Variants in KIAA1549 observed in about 807,000 individuals in gnomAD.
KIAA1549 encodes KIAA1549.
In KIAA1549, 70 loss-of-function variants were observed where a neutral mutation model predicts 156.4. The observed-to-expected ratio is 0.45, with a 90% CI of 0.37 to 0.55. The LOEUF (loss-of-function observed/expected upper bound fraction) is 0.55, where lower values mean the gene tolerates loss of function less well. Ranked by LOEUF, KIAA1549 falls within the 20% of genes least tolerant of loss-of-function variation. The pLI is 0.00. For synonymous variants in KIAA1549, 1,103 were observed against 1,066.4 expected, an observed-to-expected ratio of 1.03 and a Z score of -0.67; for missense variants, 2,428 against 2,540.9, an observed-to-expected ratio of 0.96 and a Z score of 0.96.
rs1389352756 is a variant in KIAA1549, at chr7:138,917,361, A to G, written c.2265T>C (p.Leu755=). 3.7e-6 allele frequency: 6 copies of G among 1,613,830 alleles called. No homozygotes were observed. The highest frequency in any genetic ancestry group is 5.1e-6 in the Non-Finnish European group (6 of 1,179,852). Reference sequence around the variant, plus strand: ...ATTCATGGGAAATGAGTGAAGACTCAAGATAGGAGGTAGTTTCAATGAAAG... The same window carrying G: ...ATTCATGGGAAATGAGTGAAGACTCGAGATAGGAGGTAGTTTCAATGAAAG... ...TSAFIETTSY[L]ESSLISHESA... Residue 755 remains leucine (L), a synonymous_variant, in exon 2 of 20, where the codon CTT becomes CTC. Coordinates refer to ENST00000422774, the MANE Select transcript of KIAA1549 (RefSeq NM_001164665.2).
intron 1 of KIAA1549, among the ~76,000 whole-genome samples, chr7:138,977,811 T>C (rs1814425390): frequency 6.6e-6 from 1 of 152,178 alleles, no homozygotes; most frequent in Non-Finnish European, 1.5e-5. Context: ...GCAATTCTCC[T>C]GCCTCAGCCT....
intron 3 of KIAA1549, 119 bp downstream of exon 3, chr7:138,912,253 C>G (rs1050195261): frequency 5.3e-6 from 4 of 754,476 alleles, no homozygotes; most frequent in African/African-American, 5.1e-5. Context: ...CAGGAACAGA[C>G]AAGAGGGAAG....
At position 138,833,658 on chromosome 7, in the gene KIAA1549, T is replaced by C. The variant is rs189245821; in HGVS notation, c.*4248A>G. Reference sequence around the variant, plus strand: ...TAAAGAAGCTGAATATATATATAGATAGATAGACAGATACATAGACAGACA... The same window carrying C: ...TAAAGAAGCTGAATATATATATAGACAGATAGACAGATACATAGACAGACA... On this transcript the variant is annotated 3_prime_UTR_variant, in exon 20 of 20. Transcript: ENST00000422774. 35 of 232,280 alleles carry C rather than the reference T, an allele frequency of 1.5e-4. No individual in the cohort carries two copies. The highest frequency in any genetic ancestry group is 6.0e-4 in the African/African-American group (27 of 45,350). The allele number at this position is 232,280 out of a possible 1,614,324, so 14.4% of individuals were successfully genotyped here.
chr7:138,858,915 A>G (rs1181077262), intron 16 of KIAA1549, among the ~76,000 whole-genome samples: 1 of 151,946 alleles, frequency 6.6e-6, no homozygotes, highest in Non-Finnish European at 1.5e-5. Flanking sequence ...CTGAGGCAGG[A>G]GAATGGCGTG....
At chr7:138,888,751 T>C (rs748468610) in intron 10 of KIAA1549, among the ~76,000 whole-genome samples, 23 of 152,232 alleles carry the variant, frequency 1.5e-4, no homozygotes, top group Non-Finnish European at 3.2e-4. Context: ...ATGATTCCTT[T>C]CTCAGACTTT....
At position 138,968,996 on chromosome 7, in the gene KIAA1549, C is replaced by A. The variant is rs371119810; in HGVS notation, c.187+12087G>T. 1.2e-4 allele frequency among the ~76,000 whole-genome samples: 18 copies of A among 151,944 alleles called. No homozygotes were observed. In the East Asian group the frequency reaches 1.6e-3, roughly 13 times the overall value. On this transcript the variant is annotated intron_variant, in intron 1 of 19. Coordinates refer to ENST00000422774, the MANE Select transcript of KIAA1549 (RefSeq NM_001164665.2). The stretch of plus-strand genomic sequence containing the variant: ...TTGTTACACAGGTAAACAGGTGTCA[C>A]AGGAGTCTGTTGTACATATTATTTC...
At chr7:138,922,842 A>T (rs1812601903) in intron 1 of KIAA1549, among the ~76,000 whole-genome samples, 1 of 152,120 alleles carries the variant, frequency 6.6e-6, no homozygotes, top group Non-Finnish European at 1.5e-5. Context: ...AAAAAAATAA[A>T]ATGGAATAGG....
intron 12 of KIAA1549, among the ~76,000 whole-genome samples, chr7:138,877,143 C>T (rs1811108714): frequency 6.6e-6 from 1 of 152,176 alleles, no homozygotes; most frequent in Admixed American, 6.5e-5. Flanking sequence ...CCCCGCTCCC[C>T]ACCTCCATTA....
intron 9 of KIAA1549, among the ~76,000 whole-genome samples, chr7:138,895,769 G>A (rs1811667027): frequency 6.6e-6 from 1 of 152,026 alleles, no homozygotes; most frequent in African/African-American, 2.4e-5. Flanking sequence ...CCAAAATGAA[G>A]CTTCACTGTG....
rs181041775 is a variant in KIAA1549, at chr7:138,963,472, C to T, written c.187+17611G>A. ...AAGAGGGAGTAGAGGAACCTGAAGGCTGTCAATGAGTAAAGTCAATATAAA... is the reference window on the plus strand; with the variant it reads ...AAGAGGGAGTAGAGGAACCTGAAGGTTGTCAATGAGTAAAGTCAATATAAA... On this transcript the variant is annotated intron_variant, in intron 1 of 19. Transcript: ENST00000422774. Among the ~76,000 whole-genome samples, 5 of 152,286 alleles carry T rather than the reference C, an allele frequency of 3.3e-5. No homozygotes were observed. The East Asian group carries it at 9.7e-4, about 29-fold the overall frequency.
intron 1 of KIAA1549, among the ~76,000 whole-genome samples, chr7:138,932,624 A>G (rs1812903435): frequency 6.6e-6 from 1 of 152,208 alleles, no homozygotes; most frequent in African/African-American, 2.4e-5. Context: ...GAGGAGATGT[A>G]GAGAAATCAG....
chr7:138,855,384 G>C (rs548090654), intron 16 of KIAA1549, among the ~76,000 whole-genome samples: 2 of 152,312 alleles, frequency 1.3e-5, no homozygotes, highest in South Asian at 4.1e-4. Context: ...TTCAGCATCA[G>C]AACTGCTCCA....
intron 9 of KIAA1549, among the ~76,000 whole-genome samples, chr7:138,897,892 CAAAAAAAAAAAAA>C (rs59242488): frequency 2.0e-3 from 56 of 27,476 alleles, no homozygotes; most frequent in South Asian, 4.7e-3. Flanking sequence ...GACCCTTTCT[CAAAAAAAAAAAAA>C]AAAAAAAAAA....
rs1363926267 is a variant in KIAA1549 at position 138,859,051 on chromosome 7, A to ACACG, written c.5247+2087_5247+2088insCGTG. On this transcript the variant is annotated intron_variant, in intron 16 of 19. Coordinates refer to ENST00000422774, the MANE Select transcript of KIAA1549 (RefSeq NM_001164665.2). ...CACACACACACACACACACACACAC[A>ACACG]CGAACAGAAACTGATTTTCTCATAA... Among the ~76,000 whole-genome samples the ACACG allele has an allele frequency of 6.0e-5, 9 of 149,574 alleles. No homozygotes were observed. In the South Asian group the frequency reaches 1.7e-3, roughly 28 times the overall value.
chr7:138,916,562 C>T (rs996573531), intron 2 of KIAA1549, among the ~76,000 whole-genome samples, 186 bp downstream of exon 2: 3 of 152,158 alleles, frequency 2.0e-5, no homozygotes, highest in Non-Finnish European at 4.4e-5. Context: ...AGGCAGCAGA[C>T]GATTAGAGAG....
intron 2 of KIAA1549, among the ~76,000 whole-genome samples, chr7:138,914,390 G>A (rs1812256320): frequency 6.6e-6 from 1 of 152,190 alleles, no homozygotes; most frequent in Admixed American, 6.5e-5. Flanking sequence ...ACTTCCAGAG[G>A]CAGCACAGGG....
intron 14 of KIAA1549, among the ~76,000 whole-genome samples, chr7:138,869,022 G>A (rs943510290): frequency 8.5e-5 from 13 of 152,278 alleles, no homozygotes; most frequent in African/African-American, 2.6e-4. Flanking sequence ...CATCTATGTC[G>A]GGGACGGGAG....
At chr7:138,909,238 T>G in intron 4 of KIAA1549, 117 bp from the exon 5 acceptor site, 10 of 1,029,742 alleles carry the variant, frequency 9.7e-6, no homozygotes, top group Non-Finnish European at 1.4e-5. Context: ...TAGTATGGGA[T>G]TAAGTACTGT....
chr7:138,961,530 T>C (rs675038), intron 1 of KIAA1549, among the ~76,000 whole-genome samples: 77,555 of 152,082 alleles, frequency 0.51, 23,143 homozygotes, highest in African/African-American at 0.84. Flanking sequence ...CCTCACCTCC[T>C]CCAGGCCTGG....
Sources: gnomAD v4.1 joint callset for allele counts (sites outside exome capture counted in the v4.1 genomes callset) on GRCh38, gnomAD v4.1.1 for gene constraint, MANE v1.5 for transcripts, NCBI Gene and HGNC (gene_info 2026-07-23, HGNC 2026-07-21) for gene names.